Variants in TOM1L2 observed in about 807,000 individuals in gnomAD.
TOM1L2 encodes TOM1-like protein 2.
TOM1L2 carries 31 observed loss-of-function variants against 67.9 expected under a neutral mutation model. The ratio of observed to expected loss-of-function variants is 0.46; its 90% CI spans 0.34 to 0.62. TOM1L2 has a LOEUF of 0.62. TOM1L2 is among the 20% of genes least tolerant of loss of function. The pLI, the probability that TOM1L2 is intolerant of heterozygous loss-of-function variation, is 0.01. For synonymous variants in TOM1L2, 256 were observed against 254.0 expected, an observed-to-expected ratio of 1.01 and a Z score of -0.07; for missense variants, 606 against 663.5, an observed-to-expected ratio of 0.91 and a Z score of 0.95.
chr17:17,927,387 G>C (rs1485498460), intron 1 of TOM1L2, among the ~76,000 whole-genome samples: 1 of 152,158 alleles, frequency 6.6e-6, no homozygotes, highest in East Asian at 1.9e-4. Flanking sequence ...GCTGTGGAGA[G>C]AGGCCTCTCT....
intron 1 of TOM1L2, among the ~76,000 whole-genome samples, chr17:17,954,602 C>A (rs981405582): frequency 1.3e-5 from 2 of 152,132 alleles, no homozygotes; most frequent in African/African-American, 2.4e-5. Context: ...TGTGAGCCAC[C>A]GCGCCTGGCC....
At position 17,869,490 on chromosome 17, in the gene TOM1L2, C is replaced by A. The variant is rs779897100; in HGVS notation, c.778-17G>T. 25 of 1,583,772 alleles carry A rather than the reference C, an allele frequency of 1.6e-5. No homozygotes were observed. Among genetic ancestry groups the A allele is most frequent in the Non-Finnish European group, 2.6e-6 (3 of 1,164,620 alleles). On this transcript the variant is annotated splice_polypyrimidine_tract_variant and intron_variant, in intron 7 of 14. Transcript: ENST00000379504. ...GTTGAGCTCCTAGGGAACACATGCA[C>A]CTCTGGGTAGCCTGCTGGGTGTGCT...
At chr17:17,946,023 C>G (rs1338016170) in intron 1 of TOM1L2, among the ~76,000 whole-genome samples, 1 of 152,016 alleles carries the variant, frequency 6.6e-6, no homozygotes, top group African/African-American at 2.4e-5. Context: ...GGTGCACCAT[C>G]ACGCCTGCCT....
At chr17:17,859,849 C>G (rs2036457207) in intron 12 of TOM1L2, 1 of 152,354 alleles carries the variant, frequency 6.6e-6, no homozygotes, top group Non-Finnish European at 1.5e-5. Context: ...CCACTGCACC[C>G]CAACCTGGGC....
At chr17:17,875,364 T>C (rs1445200469) in intron 7 of TOM1L2, among the ~76,000 whole-genome samples, 1 of 151,788 alleles carries the variant, frequency 6.6e-6, no homozygotes, top group Non-Finnish European at 1.5e-5. Context: ...CACCTGCATG[T>C]CCTCTGTGGT....
chr17:17,864,399 A>G (rs2143759046), intron 10 of TOM1L2, among the ~76,000 whole-genome samples: 1 of 149,676 alleles, frequency 6.7e-6, no homozygotes, highest in South Asian at 2.1e-4. Flanking sequence ...TTTAGTAGAG[A>G]CAGGGTTTCA....
At chr17:17,941,976 G>A (rs2040753222) in intron 1 of TOM1L2, among the ~76,000 whole-genome samples, 2 of 152,142 alleles carry the variant, frequency 1.3e-5, no homozygotes, top group Admixed American at 6.5e-5. Context: ...AAAAGTCTCA[G>A]CCACTTTCCC....
At chr17:17,867,796 T>C (rs1893767056) in intron 8 of TOM1L2, among the ~76,000 whole-genome samples, 1 of 152,164 alleles carries the variant, frequency 6.6e-6, no homozygotes, top group South Asian at 2.1e-4. Context: ...ATGATCTGGG[T>C]AAGGCAGTGA....
intron 12 of TOM1L2, among the ~76,000 whole-genome samples, chr17:17,860,740 G>A (rs539380572): frequency 6.6e-6 from 1 of 152,148 alleles, no homozygotes; most frequent in Non-Finnish European, 1.5e-5. Flanking sequence ...TCTTTGTTAG[G>A]CAAAAACAAA....
intron 1 of TOM1L2, among the ~76,000 whole-genome samples, chr17:17,957,162 G>A (rs2041492333): frequency 1.3e-5 from 2 of 152,144 alleles, no homozygotes; most frequent in Admixed American, 6.5e-5. Context: ...TAAATTTTTT[G>A]TAGAAACAGG....
chr17:17,926,875 A>T (rs1370098427), intron 1 of TOM1L2, among the ~76,000 whole-genome samples: 2 of 152,166 alleles, frequency 1.3e-5, no homozygotes, highest in Non-Finnish European at 2.9e-5. Flanking sequence ...AGGAAGAAAG[A>T]AAAAGAAAAA....
intron 1 of TOM1L2, among the ~76,000 whole-genome samples, chr17:17,971,185 G>A (rs535307731): frequency 6.6e-6 from 1 of 152,116 alleles, no homozygotes; most frequent in African/African-American, 2.4e-5. Flanking sequence ...AATATGAGGT[G>A]GGGGAGGAAG....
At chr17:17,860,747 C>G (rs35451946) in intron 12 of TOM1L2, among the ~76,000 whole-genome samples, 80,647 of 152,136 alleles carry the variant, frequency 0.53, 22,496 homozygotes, top group Non-Finnish European at 0.63. Flanking sequence ...TAGGCAAAAA[C>G]AAAAATCTCA....
At chr17:17,867,936 C>T (rs966036607) in intron 8 of TOM1L2, among the ~76,000 whole-genome samples, 1 of 152,216 alleles carries the variant, frequency 6.6e-6, no homozygotes, top group South Asian at 2.1e-4. Context: ...CTTCAATGAA[C>T]AATGAGTATC....
At chr17:17,892,650 A>T (rs758361755) in intron 4 of TOM1L2, among the ~76,000 whole-genome samples, 6 of 142,284 alleles carry the variant, frequency 4.2e-5, no homozygotes, top group Non-Finnish European at 9.1e-5. Context: ...TCTTCATTAC[A>T]CCCCCTTCCC....
intron 5 of TOM1L2, among the ~76,000 whole-genome samples, 186 bp from the exon 6 acceptor site, chr17:17,883,049 G>C (rs1321236190): frequency 6.6e-6 from 1 of 152,140 alleles, no homozygotes; most frequent in Non-Finnish European, 1.5e-5. Context: ...TGGGAAGTGG[G>C]GCTGCCAATG....
chr17:17,959,587 C>T lies in TOM1L2; in HGVS notation c.52+12675G>A, dbSNP rs561541222. Among the ~76,000 whole-genome samples, 24 of 152,226 alleles carry T rather than the reference C, an allele frequency of 1.6e-4. No homozygotes were observed. The South Asian group carries it at 4.2e-3, about 26-fold the overall frequency. On this transcript the variant is annotated intron_variant, in intron 1 of 14. Coordinates refer to ENST00000379504, the MANE Select transcript of TOM1L2 (RefSeq NM_001082968.2). ...CCACTAGCAAATTCAGCTTTCAAAC[C>T]CCAAGCAACATCATTTCTCAGGCCT...
At chr17:17,957,873 G>T (rs895439163) in intron 1 of TOM1L2, among the ~76,000 whole-genome samples, 1 of 151,840 alleles carries the variant, frequency 6.6e-6, no homozygotes. Context: ...GGCGGATCAT[G>T]AGGTCCGGAG....
intron 14 of TOM1L2, 63 bp downstream of exon 14, chr17:17,848,760 G>C (rs1296923028): frequency 6.3e-7 from 1 of 1,581,258 alleles, no homozygotes; most frequent in East Asian, 2.2e-5. Context: ...ATGGGGGCTG[G>C]CTCCTGTGCA....
Sources: gnomAD v4.1 joint callset for allele counts (sites outside exome capture counted in the v4.1 genomes callset) on GRCh38, gnomAD v4.1.1 for gene constraint, MANE v1.5 for transcripts, NCBI Gene and HGNC (gene_info 2026-07-23, HGNC 2026-07-21) for gene names.